The following KIDINS220 variants were observed in gnomAD, a reference collection of about 807,000 sequenced individuals.
KIDINS220 encodes the protein kinase D interacting substrate 220, also known as kinase D-interacting substrate of 220 kDa.
Under a neutral mutation model 157.6 loss-of-function variants are expected in KIDINS220, and 63 were observed. The observed-to-expected ratio is 0.40, with a 90% CI of 0.33 to 0.49. The LOEUF is 0.49. Among genes scored for constraint, KIDINS220 ranks in the 20% least tolerant of loss-of-function variants. The pLI, the probability that KIDINS220 is intolerant of heterozygous loss-of-function variation, is 0.66. For synonymous variants in KIDINS220, 732 were observed against 783.6 expected, an observed-to-expected ratio of 0.93 and a Z score of 1.10; for missense variants, 1,772 against 2,171.2, an observed-to-expected ratio of 0.82 and a Z score of 3.65.
intron 2 of KIDINS220, among the ~76,000 whole-genome samples, chr2:8,820,901 A>C (rs1677859074): frequency 6.6e-6 from 1 of 152,176 alleles, no homozygotes; most frequent in South Asian, 2.1e-4. Flanking sequence ...TCTCCCTTCT[A>C]ATCTACTGGG....
In KIDINS220 at chr2:8,733,519, G is replaced by T; in HGVS notation, c.3978C>A (p.Leu1326=). 6.2e-7 allele frequency: 1 copy of T among 1,614,198 alleles called. No individual in the cohort carries two copies. The highest frequency in any genetic ancestry group is 8.5e-7 in the Non-Finnish European group (1 of 1,180,048). The change falls in exon 29 of 30, where the codon CTC becomes CTA. Residue 1326 remains leucine, a synonymous_variant. Coordinates refer to ENST00000256707, the MANE Select transcript of KIDINS220 (RefSeq NM_020738.4). ...TELSSQTPYT[L]NFSFEELNTL... is the part of the protein sequence containing the mutation. ...TGTTCAGCTCTTCGAAGCTGAAGTT[G>T]AGTGTGTAGGGCGTCTGGCTGGAGA...
At chr2:8,754,756 A>G (rs1222179229) in intron 22 of KIDINS220, among the ~76,000 whole-genome samples, 1 of 152,252 alleles carries the variant, frequency 6.6e-6, no homozygotes, top group East Asian at 1.9e-4. Context: ...AAATTACATA[A>G]AAGATTTCTA....
intron 26 of KIDINS220, among the ~76,000 whole-genome samples, chr2:8,746,257 C>T (rs1475744733): frequency 1.3e-4 from 19 of 151,940 alleles, no homozygotes; most frequent in Admixed American, 1.2e-3. Context: ...TGCCTACCAC[C>T]ATGCCTGGCT....
At chr2:8,788,999 A>G (rs961614871) in intron 14 of KIDINS220, among the ~76,000 whole-genome samples, 187 bp from the exon 15 acceptor site, 1 of 152,212 alleles carries the variant, frequency 6.6e-6, no homozygotes, top group Non-Finnish European at 1.5e-5. Flanking sequence ...ATGAAAAATG[A>G]AAAGTAAACT....
intron 4 of KIDINS220, 21 bp from the exon 5 acceptor site, chr2:8,813,356 T>G (rs1256915977): frequency 6.6e-7 from 1 of 1,522,166 alleles, no homozygotes; most frequent in South Asian, 1.2e-5. Context: ...AATGTAGGGG[T>G]AAGGGAATCA....
In KIDINS220 at chr2:8,785,878, A is replaced by T; in HGVS notation, c.2092T>A (p.Ser698Thr). 1 of 1,614,158 alleles carries T rather than the reference A, an allele frequency of 6.2e-7. No individual in the cohort carries two copies. Among genetic ancestry groups the T allele is most frequent in the Non-Finnish European group, 8.5e-7 (1 of 1,180,012 alleles). The stretch of plus-strand genomic sequence containing the variant: ...AACACAAAGGCCAATCCCACTACAG[A>T]TGCGATTGATATGAGGACAGCATTT... ...TVNAVLISIA[S>T]VVGLAFVLNC... is the part of the protein sequence containing the mutation. The change falls in exon 17 of 30, where the codon TCT (serine) becomes ACT (threonine). Residue 698 changes from serine to threonine, a missense_variant. Ser to Thr is a moderately conservative substitution (Grantham distance 58, BLOSUM62 1). Around this residue, in one of 3 missense-constraint regions of KIDINS220, gnomAD observed 725 missense variants for 1,017.1 expected, o/e 0.71. Coordinates refer to ENST00000256707, the MANE Select transcript of KIDINS220 (RefSeq NM_020738.4).
downstream of KIDINS220, chr2:8,722,536 C>A (rs542919252): frequency 2.0e-5 from 3 of 152,098 alleles, no homozygotes; most frequent in African/African-American, 7.2e-5. Flanking sequence ...AGGGAGAAGC[C>A]CCCAAGAGTT....
At chr2:8,733,823 T>C (rs936350493) in intron 28 of KIDINS220, 143 bp from the exon 29 acceptor site, 4 of 596,376 alleles carry the variant, frequency 6.7e-6, no homozygotes, top group East Asian at 5.8e-5. Flanking sequence ...TCTAGTGAAT[T>C]TGTTTTATAC....
At chr2:8,724,771 T>A (rs1012296334), downstream of KIDINS220, 2 of 152,202 alleles carry the variant, frequency 1.3e-5, no homozygotes, top group Non-Finnish European at 2.9e-5. The surrounding 1 kb of genome is among the most constrained non-coding windows in gnomAD (Gnocchi z 4.6). Flanking sequence ...GGACTACAGG[T>A]GCACACCACC....
rs1666697386 is a variant in KIDINS220, at chr2:8,747,160, G to A, written c.3570C>T (p.Pro1190=). ...ACTCCATTACCCTCGAGGAGTCTGT[G>A]GGTGAAGAAAGCCCCTCAGCAGCAT... ...KEDAAEGLSS[P]TDSSRGSGPA... The change falls in exon 26 of 30, where the codon CCC becomes CCT. Residue 1190 remains proline, a synonymous_variant. Coordinates refer to ENST00000256707, the MANE Select transcript of KIDINS220 (RefSeq NM_020738.4). The A allele has an allele frequency of 1.9e-6, 3 of 1,614,062 alleles. No individual in the cohort carries two copies. The highest frequency in any genetic ancestry group is 2.5e-6 in the Non-Finnish European group (3 of 1,179,940).
intron 26 of KIDINS220, among the ~76,000 whole-genome samples, chr2:8,743,647 G>A (rs1167166961): frequency 6.6e-6 from 1 of 152,196 alleles, no homozygotes; most frequent in Non-Finnish European, 1.5e-5. Context: ...GAGCGCCATG[G>A]TCTCCTGCAT....
chr2:8,801,723 T>G (rs1430957381), intron 8 of KIDINS220, among the ~76,000 whole-genome samples: 2 of 152,096 alleles, frequency 1.3e-5, no homozygotes, highest in African/African-American at 2.4e-5. Context: ...CTGGTCAACA[T>G]AGTGAGACCC....
At chr2:8,799,159 T>G (rs1317069336) in intron 9 of KIDINS220, among the ~76,000 whole-genome samples, 2 of 152,190 alleles carry the variant, frequency 1.3e-5, no homozygotes, top group African/African-American at 4.8e-5. Flanking sequence ...CACTGCCCAA[T>G]GCCAAATGAT....
chr2:8,757,355 ATATC>A (rs1450223342), intron 22 of KIDINS220: 36 of 1,059,160 alleles, frequency 3.4e-5, no homozygotes, highest in Non-Finnish European at 4.1e-5. Context: ...TTTCAACTAA[ATATC>A]TATTTTTTAT....
chr2:8,753,505 T>C (rs1224404060), intron 22 of KIDINS220, among the ~76,000 whole-genome samples: 1 of 152,206 alleles, frequency 6.6e-6, no homozygotes, highest in East Asian at 1.9e-4. Context: ...TATATACATT[T>C]ATCAAACTCG....
intron 14 of KIDINS220, 93 bp downstream of exon 14, chr2:8,789,782 TACAGG>T (rs1672934865): frequency 1.1e-6 from 1 of 932,286 alleles, no homozygotes; most frequent in East Asian, 2.8e-5. Flanking sequence ...GAAAATCACA[TACAGG>T]TTTTAAAAGA....
chr2:8,757,221 C>G, intron 22 of KIDINS220: 1 of 980,920 alleles, frequency 1.0e-6, no homozygotes, highest in Non-Finnish European at 1.2e-6. Context: ...AAAGTGCATA[C>G]TTTAATAGGA....
intron 6 of KIDINS220, among the ~76,000 whole-genome samples, chr2:8,808,024 T>C (rs781389360): frequency 3.2e-4 from 48 of 151,908 alleles, no homozygotes; most frequent in Admixed American, 1.4e-3. Context: ...CCGGGGAGGC[T>C]GATGCAGGAC....
intron 6 of KIDINS220, 56 bp downstream of exon 6, chr2:8,812,339 T>C: frequency 2.4e-6 from 2 of 829,840 alleles, no homozygotes; most frequent in Non-Finnish European, 3.8e-6. Context: ...GTTTATAACT[T>C]AGACACTGAG....
Sources: gnomAD v4.1 joint callset for allele counts (sites outside exome capture counted in the v4.1 genomes callset) on GRCh38, gnomAD v4.1.1 for gene constraint, gnomAD v4.1.1 regional missense constraint, Gnocchi (gnomAD v3.1) non-coding constraint, MANE v1.5 for transcripts, NCBI Gene and HGNC (gene_info 2026-07-23, HGNC 2026-07-21) for gene names.